FBXO34: variants seen among roughly 807,000 people sequenced by gnomAD.
FBXO34 encodes the protein F-box only protein 34.
FBXO34 carries 12 observed loss-of-function variants against 24.5 expected under a neutral mutation model. The ratio of observed to expected loss-of-function variants is 0.49; its 90% CI spans 0.31 to 0.79. The LOEUF is 0.79. FBXO34 is among the 30% of genes least tolerant of loss of function. The probability of loss-of-function intolerance (pLI) is 0.04; values close to 1 mark genes in which losing one functional copy is unlikely to be tolerated. For synonymous variants in FBXO34, 320 were observed against 311.9 expected, an observed-to-expected ratio of 1.03 and a Z score of -0.27; for missense variants, 823 against 857.7, an observed-to-expected ratio of 0.96 and a Z score of 0.51.
At chr14:55,368,452 T>G (rs1339467055), downstream of FBXO34, 1 of 152,284 alleles carries the variant, frequency 6.6e-6, no homozygotes, top group Non-Finnish European at 1.5e-5. Flanking sequence ...ACTCCTGACC[T>G]CAAGTGATCC....
chr14:55,348,423 G>T (rs185621849), intron 1 of FBXO34, among the ~76,000 whole-genome samples: 1 of 152,162 alleles, frequency 6.6e-6, no homozygotes, highest in Non-Finnish European at 1.5e-5. Flanking sequence ...TTAGAGATGA[G>T]GTCTTGCCGC....
At chr14:55,440,656 C>A in the FBXO34 span, 6 of 1,258,486 alleles carry the variant, frequency 4.8e-6, no homozygotes, top group Admixed American at 5.8e-5. Flanking sequence ...ACCCAGCTAC[C>A]GGCCCATGGG....
chr14:55,274,286 T>C (rs1881263008), intron 1 of FBXO34, among the ~76,000 whole-genome samples: 1 of 152,234 alleles, frequency 6.6e-6, no homozygotes, highest in African/African-American at 2.4e-5. Flanking sequence ...ATAAATGTCA[T>C]AGTGCATACT....
chr14:55,428,637 T>C, the FBXO34 span, among the ~76,000 whole-genome samples: 34 of 146,746 alleles, frequency 2.3e-4, no homozygotes, highest in African/African-American at 9.1e-4. Flanking sequence ...ACTGGGCACA[T>C]GTGGTAACCT....
At position 55,353,519 on chromosome 14, in the gene FBXO34, T is replaced by C. The variant is rs1268814863; in HGVS notation, c.*993T>C. 1 of 167,082 alleles carries C rather than the reference T, an allele frequency of 6.0e-6. No individual in the cohort carries two copies. Among genetic ancestry groups the C allele is most frequent in the Non-Finnish European group, 1.5e-5 (1 of 68,122 alleles). 10.3% of individuals were successfully genotyped at this position (167,082 alleles called of 1,614,324 possible). A position where few individuals can be genotyped will look rare whatever the true frequency, so the allele number is the denominator to read the frequency against. On this transcript the variant is annotated 3_prime_UTR_variant, in exon 2 of 2. Transcript: ENST00000313833. Reference sequence around the variant, plus strand: ...GTGATCCACAAGATTGAGAAAATATTATATAGTTAGATAATAACATTCTTG... The same window carrying C: ...GTGATCCACAAGATTGAGAAAATATCATATAGTTAGATAATAACATTCTTG...
At chr14:55,374,115 C>A (rs543547984), downstream of FBXO34, among the ~76,000 whole-genome samples, 8 of 152,382 alleles carry the variant, frequency 5.2e-5, no homozygotes, top group East Asian at 1.5e-3. Context: ...CCTCAACTAC[C>A]AGCAACGCTG....
At chr14:55,397,480 A>G in the FBXO34 span, 2 of 1,436,288 alleles carry the variant, frequency 1.4e-6, no homozygotes, top group Admixed American at 3.4e-5. Flanking sequence ...TCATTTTTTC[A>G]GTTCAATGAG....
downstream of FBXO34, among the ~76,000 whole-genome samples, chr14:55,353,933 G>T (rs1250635212): frequency 6.6e-6 from 1 of 152,192 alleles, no homozygotes; most frequent in Non-Finnish European, 1.5e-5. Flanking sequence ...TTAGTGCTTG[G>T]TGGGGTTGGG....
At chr14:55,280,272 T>G (rs1254550374) in intron 1 of FBXO34, among the ~76,000 whole-genome samples, 2 of 152,062 alleles carry the variant, frequency 1.3e-5, no homozygotes, top group Admixed American at 1.3e-4. Context: ...CGCTGTTGAG[T>G]AGAAATAGCC....
intron 1 of FBXO34, among the ~76,000 whole-genome samples, chr14:55,286,252 T>G (rs990955345): frequency 6.6e-6 from 1 of 152,234 alleles, no homozygotes; most frequent in Non-Finnish European, 1.5e-5. Flanking sequence ...TTCTTGAAGA[T>G]TCGACGTGAA....
At chr14:55,389,009 C>T in the FBXO34 span, among the ~76,000 whole-genome samples, 5 of 152,218 alleles carry the variant, frequency 3.3e-5, no homozygotes, top group South Asian at 6.2e-4. Flanking sequence ...GATCATTTTC[C>T]TAAGTCCAGG....
the FBXO34 span, chr14:55,413,515 AGAG>A: frequency 1.3e-4 from 37 of 288,838 alleles, no homozygotes; most frequent in Non-Finnish European, 2.0e-4. Context: ...TTCTCAATGA[AGAG>A]AAACATTTGT....
chr14:55,393,351 C>T, the FBXO34 span, among the ~76,000 whole-genome samples: 13 of 151,746 alleles, frequency 8.6e-5, no homozygotes, highest in Non-Finnish European at 1.9e-4. Context: ...CGCCACTGCA[C>T]TCCAGCCTGG....
chr14:55,369,397 C>T, downstream of FBXO34: 1 of 399,014 alleles, frequency 2.5e-6, no homozygotes, highest in South Asian at 9.0e-5. Flanking sequence ...GTAGAAAGAC[C>T]TTCGACCCCT....
chr14:55,320,353 G>C (rs767403610), intron 1 of FBXO34, among the ~76,000 whole-genome samples: 5 of 152,228 alleles, frequency 3.3e-5, no homozygotes, highest in Non-Finnish European at 5.9e-5. Context: ...GCCTAGATGG[G>C]AAAGTGGTTA....
chr14:55,383,078 C>T, the FBXO34 span, among the ~76,000 whole-genome samples: 1 of 152,152 alleles, frequency 6.6e-6, no homozygotes, highest in Admixed American at 6.5e-5. Context: ...GCTAGTTCAG[C>T]GTGCAGCTCA....
chr14:55,319,957 C>T (rs1173790503), intron 1 of FBXO34, among the ~76,000 whole-genome samples: 1 of 152,162 alleles, frequency 6.6e-6, no homozygotes, highest in Non-Finnish European at 1.5e-5. Context: ...CAGGCATGAG[C>T]CACCACACCT....
At chr14:55,426,087 T>C in the FBXO34 span, among the ~76,000 whole-genome samples, 1 of 151,926 alleles carries the variant, frequency 6.6e-6, no homozygotes, top group Admixed American at 6.6e-5. Context: ...GCCAATATGG[T>C]AAAACCTCGT....
intron 1 of FBXO34, among the ~76,000 whole-genome samples, chr14:55,305,977 T>C (rs1009767007): frequency 1.3e-5 from 2 of 152,246 alleles, no homozygotes; most frequent in African/African-American, 2.4e-5. Context: ...TTTAAACCTG[T>C]GTGGTCTAGT....
Sources: gnomAD v4.1 joint callset for allele counts (sites outside exome capture counted in the v4.1 genomes callset) on GRCh38, gnomAD v4.1.1 for gene constraint, MANE v1.5 for transcripts, NCBI Gene and HGNC (gene_info 2026-07-23, HGNC 2026-07-21) for gene names.